Variants in ATP13A1 observed in about 807,000 individuals in gnomAD.
ATP13A1 encodes endoplasmic reticulum transmembrane helix translocase.
ATP13A1 carries 55 observed loss-of-function variants against 134.8 expected under a neutral mutation model. The observed-to-expected ratio is 0.41, with a 90% confidence interval of 0.33 to 0.51. The LOEUF (loss-of-function observed/expected upper bound fraction) is 0.51. ATP13A1 is among the 20% of genes least tolerant of loss of function. ATP13A1 has a pLI of 0.29. For missense variants in ATP13A1, 1,389 were observed against 1,652.8 expected, an observed-to-expected ratio of 0.84 and a Z score of 2.77; for synonymous variants, 775 against 725.1, an observed-to-expected ratio of 1.07 and a Z score of -1.10.
At chr19:19,650,822 T>G (rs1413777432) in intron 17 of ATP13A1, 1 of 152,354 alleles carries the variant, frequency 6.6e-6, no homozygotes, top group African/African-American at 2.4e-5. Context: ...TGGTTCTTCT[T>G]AGGGCCCTGT....
At chr19:19,652,925 G>T (rs2062034090) in intron 15 of ATP13A1, 2 of 673,538 alleles carry the variant, frequency 3.0e-6, no homozygotes, top group African/African-American at 1.8e-5. Flanking sequence ...TGACTGGGGG[G>T]TCTGGGTCCC....
rs1261136582 is a variant in ATP13A1, at chr19:19,645,837, GCAGA to G, written c.3360+33_3360+36del. 5.7e-5 allele frequency: 34 copies of G among 591,850 alleles called. No homozygotes were observed. Among genetic ancestry groups the G allele is most frequent in the Non-Finnish European group, 1.1e-4 (33 of 312,912 alleles). 36.7% of individuals were successfully genotyped at this position (591,850 alleles called of 1,614,324 possible). On this transcript the variant is annotated intron_variant, in intron 24 of 25. Transcript: ENST00000357324. This position sits in a 1 kb window ranked among gnomAD's most constrained non-coding sequence, Gnocchi z 4.1. ...GGCTTCATGGGGTGGGGCTGGGTGG[GCAGA>G]CAGTGAATGTTTGGGCAGGGCCCAG...
intron 1 of ATP13A1, 95 bp downstream of exon 1, chr19:19,663,176 C>T (rs771529520): frequency 1.3e-6 from 2 of 1,519,912 alleles, no homozygotes; most frequent in African/African-American, 1.4e-5. Flanking sequence ...AGATGAGTGG[C>T]CCAGGTCGCG....
At chr19:19,657,698 G>C (rs959492922) in intron 3 of ATP13A1, among the ~76,000 whole-genome samples, 1 of 152,200 alleles carries the variant, frequency 6.6e-6, no homozygotes, top group African/African-American at 2.4e-5. Flanking sequence ...GCAGCCTGGG[G>C]CTGGTGTCAG....
Position 19,645,302 on chromosome 19 carries a change from C to A in ATP13A1, c.*120G>T. 8.5e-7 allele frequency: 1 copy of A among 1,178,722 alleles called. No individual in the cohort carries two copies. Among genetic ancestry groups the A allele is most frequent in the Non-Finnish European group, 1.2e-6 (1 of 835,964 alleles). 73.0% of individuals were successfully genotyped at this position (1,178,722 alleles called of 1,614,324 possible). A position where few individuals can be genotyped will look rare whatever the true frequency, so the allele number is the denominator to read the frequency against. On this transcript the variant is annotated 3_prime_UTR_variant, in exon 26 of 26. Coordinates refer to ENST00000357324, the MANE Select transcript of ATP13A1 (RefSeq NM_020410.3). This position sits in a 1 kb window ranked among gnomAD's most constrained non-coding sequence, Gnocchi z 4.1. ...CTGTGGGGGTCCCAGCTCAGTCTTC[C>A]AAGGGCGAGACTGTACAGCCTTGCT...
intron 17 of ATP13A1, 77 bp from the exon 18 acceptor site, chr19:19,650,017 C>A: frequency 7.6e-7 from 1 of 1,320,160 alleles, no homozygotes; most frequent in South Asian, 1.3e-5. Flanking sequence ...ACTCGGACCC[C>A]AGCACCAGCC....
Position 19,645,464 on chromosome 19 carries a change from C to A in ATP13A1, c.3573G>T (p.Leu1191=). ...FCLALLADRV[L]QFFLGTPKLK... ...GCTTCGGGGTCCCCAGGAAGAACTG[C>A]AGGACGCGGTCGGCCAGGAGCGCCA... The change falls in exon 26 of 26, where the codon CTG becomes CTT. Residue 1191 remains leucine, a synonymous_variant. Coordinates refer to ENST00000357324, the MANE Select transcript of ATP13A1 (RefSeq NM_020410.3). This position sits in a 1 kb window ranked among gnomAD's most constrained non-coding sequence, Gnocchi z 4.1. The A allele has an allele frequency of 6.2e-7, 1 of 1,607,704 alleles. No individual in the cohort carries two copies.
Position 19,657,003 on chromosome 19 carries a change from G to A in ATP13A1, c.897C>T (p.His299=), listed in dbSNP as rs1568429426. 1 of 1,591,600 alleles carries A rather than the reference G, an allele frequency of 6.3e-7. No individual in the cohort carries two copies. Among genetic ancestry groups the A allele is most frequent in the Non-Finnish European group, 8.6e-7 (1 of 1,168,304 alleles). Residue 299 remains histidine (H), a synonymous_variant, in exon 5 of 26, where the codon CAC becomes CAT. Transcript: ENST00000357324. ...SEIRKMGNKP[H]MIQVYRSRKW... is the part of the protein sequence containing the mutation. ...TCCCTGGCAGCCACACCTGGATCAT[G>A]TGGGGCTTGTTGCCCATCTTCCGGA...
Position 19,653,633 on chromosome 19 carries a change from A to C in ATP13A1, c.2100+151T>G. ...CACAGCAGTGGACAGACTGAGTGCC[A>C]TTTGGAGTCTCCAAAGGTAGAAGCT... is the stretch of plus-strand genomic sequence containing the variant. On this transcript the variant is annotated intron_variant, in intron 15 of 25. Transcript: ENST00000357324. The surrounding 1 kb of genome is among the most constrained non-coding windows in gnomAD (Gnocchi z 4.2). 1.4e-6 allele frequency: 1 copy of C among 738,896 alleles called. No homozygotes were observed. The highest frequency in any genetic ancestry group is 1.8e-5 in the African/African-American group (1 of 56,666). The allele number at this position is 738,896 out of a possible 1,614,324, so 45.8% of individuals were successfully genotyped here.
Position 19,647,083 on chromosome 19 carries a change from T to C in ATP13A1, c.3105+46A>G, listed in dbSNP as rs372922160. 218 of 1,565,466 alleles carry C rather than the reference T, an allele frequency of 1.4e-4. No homozygotes were observed. In the African/African-American group the frequency reaches 2.3e-3, roughly 16 times the overall value. On this transcript the variant is annotated intron_variant, in intron 22 of 25. Coordinates refer to ENST00000357324, the MANE Select transcript of ATP13A1 (RefSeq NM_020410.3). This position sits in a 1 kb window ranked among gnomAD's most constrained non-coding sequence, Gnocchi z 4.8. The stretch of plus-strand genomic sequence containing the variant: ...TCCCGTGCCTATATCAGCCTGGCCC[T>C]GGCAGGCCCATGCATCCCTGGCCTT...
Position 19,654,719 on chromosome 19 carries a change from G to C in ATP13A1, c.1656-19C>G, listed in dbSNP as rs1206643176. The C allele has an allele frequency of 6.2e-7, 1 of 1,603,140 alleles. No individual in the cohort carries two copies. Among genetic ancestry groups the C allele is most frequent in the East Asian group, 2.2e-5 (1 of 44,766 alleles). ...CCCGTCTCTGCAAGGTCGGGGAACAGCTGGTTACAGAGTGCAGGCGGGTAG... is the reference window on the plus strand; with the variant it reads ...CCCGTCTCTGCAAGGTCGGGGAACACCTGGTTACAGAGTGCAGGCGGGTAG... On this transcript the variant is annotated intron_variant, in intron 12 of 25. Coordinates refer to ENST00000357324, the MANE Select transcript of ATP13A1 (RefSeq NM_020410.3).
chr19:19,662,029 G>C, intron 1 of ATP13A1: 1 of 1,556,592 alleles, frequency 6.4e-7, no homozygotes, highest in Non-Finnish European at 8.7e-7. Context: ...GAAACTCAGA[G>C]AGCAGAAGCG....
chr19:19,645,639 C>G lies in ATP13A1; in HGVS notation c.3504+8G>C. Reference sequence around the variant, plus strand: ...GAGCCCCAGGGTCACCTCCACAGGGCCACTGACCTCCACAGGGATGTCCAC... The same window carrying G: ...GAGCCCCAGGGTCACCTCCACAGGGGCACTGACCTCCACAGGGATGTCCAC... On this transcript the variant is annotated splice_region_variant and intron_variant, in intron 25 of 25. Coordinates refer to ENST00000357324, the MANE Select transcript of ATP13A1 (RefSeq NM_020410.3). The surrounding 1 kb of genome is among the most constrained non-coding windows in gnomAD (Gnocchi z 4.1). 1 of 1,565,558 alleles carries G rather than the reference C, an allele frequency of 6.4e-7. No homozygotes were observed. Among genetic ancestry groups the G allele is most frequent in the East Asian group, 2.4e-5 (1 of 41,972 alleles).
Position 19,655,971 on chromosome 19 carries a change from C to G in ATP13A1, c.1214-38G>C. 6.2e-7 allele frequency: 1 copy of G among 1,607,730 alleles called. No individual in the cohort carries two copies. The highest frequency in any genetic ancestry group is 8.5e-7 in the Non-Finnish European group (1 of 1,178,718). Reference sequence around the variant, plus strand: ...GCAGAGTCACCGTCATGCCTGTCTCCTCGTCCTGACTCCCTCATGATCAAG... The same window carrying G: ...GCAGAGTCACCGTCATGCCTGTCTCGTCGTCCTGACTCCCTCATGATCAAG... On this transcript the variant is annotated intron_variant, in intron 8 of 25. Coordinates refer to ENST00000357324, the MANE Select transcript of ATP13A1 (RefSeq NM_020410.3). The surrounding 1 kb of genome is among the most constrained non-coding windows in gnomAD (Gnocchi z 5.7).
chr19:19,655,292 C>T lies in ATP13A1; in HGVS notation c.1534+24G>A. On this transcript the variant is annotated intron_variant, in intron 11 of 25. Coordinates refer to ENST00000357324, the MANE Select transcript of ATP13A1 (RefSeq NM_020410.3). The surrounding 1 kb of genome is among the most constrained non-coding windows in gnomAD (Gnocchi z 5.7). ...CTGCTTGGCCCCAGCCCACTCGGCACCCCATCCCATTTGACACACTCACAG... is the reference window on the plus strand; with the variant it reads ...CTGCTTGGCCCCAGCCCACTCGGCATCCCATCCCATTTGACACACTCACAG... The T allele has an allele frequency of 6.2e-7, 1 of 1,613,960 alleles. No individual in the cohort carries two copies. Among genetic ancestry groups the T allele is most frequent in the Non-Finnish European group, 8.5e-7 (1 of 1,179,888 alleles).
At position 19,645,857 on chromosome 19, in the gene ATP13A1, C is replaced by T; in HGVS notation, c.3360+17G>A. ...GGTGGGCAGACAGTGAATGTTTGGG[C>T]AGGGCCCAGGCCTTACTTTGTAATT... On this transcript the variant is annotated intron_variant, in intron 24 of 25. Coordinates refer to ENST00000357324, the MANE Select transcript of ATP13A1 (RefSeq NM_020410.3). This position sits in a 1 kb window ranked among gnomAD's most constrained non-coding sequence, Gnocchi z 4.1. The T allele has an allele frequency of 6.2e-7, 1 of 1,613,048 alleles. No homozygotes were observed. The highest frequency in any genetic ancestry group is 8.5e-7 in the Non-Finnish European group (1 of 1,179,468).
At position 19,649,825 on chromosome 19, in the gene ATP13A1, G is replaced by T; in HGVS notation, c.2451C>A (p.Ala817=). ...YALCLTGDGL[A]HLQATDPQQL... ...GCTGGGGGTCGGTGGCCTGCAGGTGGGCCAAGCCGTCGCCTGTGAGGCACA... is the reference window on the plus strand; with the variant it reads ...GCTGGGGGTCGGTGGCCTGCAGGTGTGCCAAGCCGTCGCCTGTGAGGCACA... The change falls in exon 18 of 26, where the codon GCC becomes GCA. Residue 817 remains alanine, a synonymous_variant. Transcript: ENST00000357324. The T allele has an allele frequency of 6.2e-7, 1 of 1,602,886 alleles. No homozygotes were observed. Among genetic ancestry groups the T allele is most frequent in the South Asian group, 1.1e-5 (1 of 90,878 alleles).
Position 19,657,363 on chromosome 19 carries a change from T to C in ATP13A1, c.723A>G (p.Arg241=), listed in dbSNP as rs2062066074. ...VPDFSELFKE[R]ATAPFFVFQV... is the part of the protein sequence containing the mutation. ...GAAATACAAAGAAGGGGGCTGTGGC[T>C]CTCTCCTTGAAAAGCTCCGAGAAGT... Residue 241 remains arginine (R), a synonymous_variant, in exon 4 of 26, where the codon AGA becomes AGG. Transcript: ENST00000357324. 1.3e-6 allele frequency: 2 copies of C among 1,573,510 alleles called. No individual in the cohort carries two copies. Among genetic ancestry groups the C allele is most frequent in the East Asian group, 2.3e-5 (1 of 42,706 alleles).
At chr19:19,662,743 C>T (rs1375003476) in intron 1 of ATP13A1, among the ~76,000 whole-genome samples, 2 of 152,232 alleles carry the variant, frequency 1.3e-5, no homozygotes. Context: ...TAATTAACTG[C>T]ATTTCATGCT....
Sources: gnomAD v4.1 joint callset for allele counts (sites outside exome capture counted in the v4.1 genomes callset) on GRCh38, gnomAD v4.1.1 for gene constraint, Gnocchi (gnomAD v3.1) non-coding constraint, MANE v1.5 for transcripts, NCBI Gene and HGNC (gene_info 2026-07-23, HGNC 2026-07-21) for gene names.